Variants in SUPV3L1 observed in about 807,000 individuals in gnomAD.
SUPV3L1 encodes the protein ATP-dependent RNA helicase SUPV3L1, mitochondrial.
In SUPV3L1, 35 loss-of-function variants were observed where a neutral mutation model predicts 70.0. The ratio of observed to expected loss-of-function variants is 0.50; its 90% CI spans 0.38 to 0.66. The LOEUF is 0.66. Ranked by LOEUF, SUPV3L1 falls within the 30% of genes least tolerant of loss-of-function variation. The probability of loss-of-function intolerance (pLI) is 0.00; values close to 1 mark genes in which losing one functional copy is unlikely to be tolerated. For synonymous variants in SUPV3L1, 364 were observed against 341.9 expected (o/e 1.06, Z -0.71); for missense variants, 777 against 961.5 (o/e 0.81, Z 2.54).
At chr10:69,208,188 A>C (rs1404586470) in intron 14 of SUPV3L1, among the ~76,000 whole-genome samples, 1 of 152,236 alleles carries the variant, frequency 6.6e-6, no homozygotes, top group East Asian at 1.9e-4. Context: ...TGGTCAAAGG[A>C]TGGTCCTTGG....
Position 69,186,081 on chromosome 10 carries a change from C to T in SUPV3L1, c.349+17C>T. 1 of 1,607,620 alleles carries T rather than the reference C, an allele frequency of 6.2e-7. No homozygotes were observed. The highest frequency in any genetic ancestry group is 8.5e-7 in the Non-Finnish European group (1 of 1,175,346). On this transcript the variant is annotated intron_variant, in intron 2 of 14. Transcript: ENST00000359655. ...GACTTGATGGTAAGGCCCAAAACAT[C>T]TTCATAGAGGTATTTTATTACCTCT...
At chr10:69,207,029 G>A (rs1842848735) in intron 13 of SUPV3L1, among the ~76,000 whole-genome samples, 1 of 152,016 alleles carries the variant, frequency 6.6e-6, no homozygotes, top group Non-Finnish European at 1.5e-5. Context: ...AATAAGGGAG[G>A]ACATTAACAA....
In SUPV3L1 at chr10:69,186,468, A is replaced by G. The variant is rs1398824941; in HGVS notation, c.375A>G (p.Ile125Met). 3 of 1,613,752 alleles carry G rather than the reference A, an allele frequency of 1.9e-6. No individual in the cohort carries two copies. The highest frequency in any genetic ancestry group is 1.7e-4 in the Middle Eastern group (1 of 6,060). Residue 125 changes from isoleucine (I) to methionine (M), a missense_variant, in exon 3 of 15, where the codon ATA (isoleucine) becomes ATG (methionine). Around this residue, in one of 2 missense-constraint regions of SUPV3L1, gnomAD observed 619 missense variants for 823.3 expected, o/e 0.75. Transcript: ENST00000359655. The part of the protein sequence containing the change: ...LDARLFHQAF[I>M]SFRNYIMQSH... ...CTCGTCTCTTCCACCAAGCTTTCAT[A>G]AGCTTTAGAAATTATATTATGCAGT...
At position 69,208,613 on chromosome 10, in the gene SUPV3L1, G is replaced by A. The variant is rs780184793; in HGVS notation, c.1939G>A (p.Asp647Asn). The A allele has an allele frequency of 6.2e-7, 1 of 1,611,702 alleles. No individual in the cohort carries two copies. Among genetic ancestry groups the A allele is most frequent in the Non-Finnish European group, 8.5e-7 (1 of 1,178,000 alleles). ...TCTTTTTCCCAGCTACCGATTTATGGATATGTTTCCAGATGCCAGCCTTAT... is the reference window on the plus strand; with the variant it reads ...TCTTTTTCCCAGCTACCGATTTATGAATATGTTTCCAGATGCCAGCCTTAT... Reference protein sequence around the residue: ...LYLWLSYRFMDMFPDASLIRD... With the variant: ...LYLWLSYRFMNMFPDASLIRD... The change falls in exon 15 of 15, where the codon GAT becomes AAT. Residue 647 changes from aspartate to asparagine, a missense_variant. Transcript: ENST00000359655.
Position 69,197,084 on chromosome 10 carries a change from G to T in SUPV3L1, c.1023+1G>T. ...GTACACAACGGGGGAGGAAGTGGAG[G>T]TATTCGATTAGATGCTTTGTTCTCC... On this transcript the variant is annotated splice_donor_variant, in intron 8 of 14. Coordinates refer to ENST00000359655, the MANE Select transcript of SUPV3L1 (RefSeq NM_003171.5). LOFTEE classifies it high-confidence loss of function. The T allele has an allele frequency of 6.2e-7, 1 of 1,613,812 alleles. No homozygotes were observed. The highest frequency in any genetic ancestry group is 8.5e-7 in the Non-Finnish European group (1 of 1,179,748).
Position 69,209,039 on chromosome 10 carries a change from T to C in SUPV3L1, c.*4T>C, listed in dbSNP as rs202240089. The C allele has an allele frequency of 6.5e-7, 1 of 1,532,902 alleles. No homozygotes were observed. The highest frequency in any genetic ancestry group is 2.3e-5 in the East Asian group (1 of 43,890). 95.0% of individuals were successfully genotyped at this position (1,532,902 alleles called of 1,614,324 possible). A position where few individuals can be genotyped will look rare whatever the true frequency, so the allele number is the denominator to read the frequency against. ...GAAGGAACCTGATTCGGACTAGTTT[T>C]CTGTTCCTGTTTTTTTTTTTTTATT... On this transcript the variant is annotated 3_prime_UTR_variant, in exon 15 of 15. Transcript: ENST00000359655.
In SUPV3L1 at chr10:69,187,852, T is replaced by G. The variant is rs771514220; in HGVS notation, c.572+96T>G. Reference sequence around the variant, plus strand: ...TTTTATTGTATTCTAGATAACAAATTATAAGGAGTCTGGATTAGGTTGTTT... The same window carrying G: ...TTTTATTGTATTCTAGATAACAAATGATAAGGAGTCTGGATTAGGTTGTTT... On this transcript the variant is annotated intron_variant, in intron 4 of 14. Transcript: ENST00000359655. The G allele has an allele frequency of 9.8e-5, 77 of 784,158 alleles. 1 individual carries two copies. In the Middle Eastern group the frequency reaches 1.5e-3, roughly 15 times the overall value. The allele number at this position is 784,158 out of a possible 1,614,324, so 48.6% of individuals were successfully genotyped here. A position where few individuals can be genotyped will look rare whatever the true frequency, so the allele number is the denominator to read the frequency against.
Position 69,191,760 on chromosome 10 carries a change from A to C in SUPV3L1, c.847A>C (p.Thr283Pro). The C allele has an allele frequency of 6.2e-7, 1 of 1,610,546 alleles. No homozygotes were observed. Among genetic ancestry groups the C allele is most frequent in the Non-Finnish European group, 8.5e-7 (1 of 1,177,868 alleles). The change falls in exon 6 of 15, where the codon ACT becomes CCT. Residue 283 changes from threonine (T) to proline (P), a missense_variant. By Grantham distance (38) the Thr-to-Pro change is conservative. Transcript: ENST00000359655. ...SCTVEMCSVTTPYEVAVIDEI... is the reference protein window; with the variant it reads ...SCTVEMCSVTPPYEVAVIDEI... ...TACAGTTGAGATGTGCAGTGTTACA[A>C]CTCCTTGTATGTATATGCTGTTTAA...
intron 14 of SUPV3L1, among the ~76,000 whole-genome samples, chr10:69,208,193 C>T (rs1453895166): frequency 6.6e-6 from 1 of 152,194 alleles, no homozygotes; most frequent in Non-Finnish European, 1.5e-5. Flanking sequence ...AAAGGATGGT[C>T]CTTGGACCAA....
At chr10:69,207,416 A>G (rs936760679) in intron 13 of SUPV3L1, among the ~76,000 whole-genome samples, 1 of 152,162 alleles carries the variant, frequency 6.6e-6, no homozygotes, top group African/African-American at 2.4e-5. Context: ...TGGGCTCAGT[A>G]ATCCTCCACC....
intron 12 of SUPV3L1, 71 bp downstream of exon 12, chr10:69,202,590 T>G: frequency 7.4e-7 from 1 of 1,360,242 alleles, no homozygotes; most frequent in Non-Finnish European, 1.0e-6. Context: ...GTTAACCTCA[T>G]GAGCATGAAT....
At chr10:69,187,870 G>T in intron 4 of SUPV3L1, 114 bp downstream of exon 4, 1 of 675,756 alleles carries the variant, frequency 1.5e-6, no homozygotes, top group Non-Finnish European at 2.4e-6. Flanking sequence ...GTCTGGATTA[G>T]GTTGTTTTCC....
chr10:69,191,995 C>T (rs1011082783), intron 6 of SUPV3L1: 11 of 336,338 alleles, frequency 3.3e-5, no homozygotes, highest in East Asian at 5.9e-5. Flanking sequence ...TTACTAGAGA[C>T]GGGGTTTCTC....
At chr10:69,187,432 A>G in intron 3 of SUPV3L1, 1 of 263,866 alleles carries the variant, frequency 3.8e-6, no homozygotes, top group Non-Finnish European at 6.8e-6. Context: ...CTCAGTGTGT[A>G]GCCTCAACCT....
intron 7 of SUPV3L1, among the ~76,000 whole-genome samples, chr10:69,196,402 A>G (rs181828933): frequency 6.6e-6 from 1 of 152,162 alleles, no homozygotes; most frequent in Non-Finnish European, 1.5e-5. Flanking sequence ...GAGGCACAAG[A>G]ATCACTTGAG....
Position 69,208,670 on chromosome 10 carries a change from A to T in SUPV3L1, c.1996A>T (p.Ile666Phe). 1 of 1,614,244 alleles carries T rather than the reference A, an allele frequency of 6.2e-7. No individual in the cohort carries two copies. The highest frequency in any genetic ancestry group is 8.5e-7 in the Non-Finnish European group (1 of 1,180,044). The change falls in exon 15 of 15, where the codon ATC becomes TTC. Residue 666 changes from isoleucine to phenylalanine, a missense_variant. Physicochemically the swap from Ile to Phe is conservative, Grantham distance 21. Transcript: ENST00000359655. The stretch of plus-strand genomic sequence containing the variant: ...TCTCCAGAAAGAACTAGATGGTATT[A>T]TCCAAGATGGTGTGCACAATATCAC... ...RDLQKELDGI[I>F]QDGVHNITKL... is the part of the protein sequence containing the mutation.
intron 7 of SUPV3L1, among the ~76,000 whole-genome samples, chr10:69,196,347 C>T (rs1450950666): frequency 4.6e-5 from 7 of 152,024 alleles, no homozygotes; most frequent in African/African-American, 1.7e-4. Flanking sequence ...TAAAAATTAG[C>T]CAGGCGTGGT....
At chr10:69,180,711 G>T in intron 1 of SUPV3L1, 149 bp downstream of exon 1, 4 of 1,109,676 alleles carry the variant, frequency 3.6e-6, no homozygotes, top group East Asian at 2.5e-5. Context: ...CTTCGCTGGT[G>T]TGTGAGCCCC....
At chr10:69,183,288 C>T (rs1041541600) in intron 1 of SUPV3L1, among the ~76,000 whole-genome samples, 1 of 152,202 alleles carries the variant, frequency 6.6e-6, no homozygotes, top group African/African-American at 2.4e-5. Flanking sequence ...TGCCAGCTTC[C>T]ATCTTTTGAC....
Sources: gnomAD v4.1 joint callset for allele counts (sites outside exome capture counted in the v4.1 genomes callset) on GRCh38, gnomAD v4.1.1 for gene constraint, gnomAD v4.1.1 regional missense constraint, MANE v1.5 for transcripts, NCBI Gene and HGNC (gene_info 2026-07-23, HGNC 2026-07-21) for gene names.